The following C6 variants were observed in gnomAD, a reference collection of about 807,000 sequenced individuals.
The protein encoded by C6 is complement component C6.
In C6, 101 loss-of-function variants were observed where a neutral mutation model predicts 112.9. The ratio of observed to expected loss-of-function variants is 0.89; its 90% CI spans 0.76 to 1.06. C6 has a LOEUF of 1.06. Among genes scored for constraint, C6 ranks in the 50% least tolerant of loss-of-function variants. C6 has a pLI of 0.00. For synonymous variants in C6, 431 were observed against 384.1 expected (o/e 1.12, Z -1.43); for missense variants, 1,202 against 1,104.6 (o/e 1.09, Z -1.25).
upstream of C6, among the ~76,000 whole-genome samples, chr5:41,217,461 C>A (rs527292816): frequency 2.9e-4 from 44 of 152,048 alleles, no homozygotes; most frequent in Non-Finnish European, 5.6e-4. Context: ...TTGCTGAATA[C>A]GCCTCTACAA....
At chr5:41,149,878 G>C (rs938379402) in intron 16 of C6, 57 bp downstream of exon 16, 21 of 1,120,002 alleles carry the variant, frequency 1.9e-5, no homozygotes, top group African/African-American at 3.1e-5. Flanking sequence ...CCATCAAATT[G>C]GTTACACTAG....
chr5:41,201,316 A>G (rs1325631256), intron 3 of C6, among the ~76,000 whole-genome samples: 1 of 152,306 alleles, frequency 6.6e-6, no homozygotes, highest in Admixed American at 6.5e-5. Context: ...AGAACTGGGT[A>G]AGTACAATAT....
chr5:41,206,800 C>T (rs914857817), intron 1 of C6, among the ~76,000 whole-genome samples: 1 of 152,224 alleles, frequency 6.6e-6, no homozygotes. Context: ...GGAAAACACT[C>T]TGCAGGATAT....
chr5:41,176,580 TG>T lies in C6; in HGVS notation c.1062del (p.Tyr354Ter). 6.2e-7 allele frequency: 1 copy of T among 1,613,968 alleles called. No homozygotes were observed. The highest frequency in any genetic ancestry group is 8.5e-7 in the Non-Finnish European group (1 of 1,179,892). On this transcript the variant is annotated frameshift_variant, in exon 8 of 18. Transcript: ENST00000337836. LOFTEE classifies it high-confidence loss of function. ...HLPLEYNSALYSRIFDDFGTH... is the reference protein window; with the variant it reads ...HLPLEYNSALXSRIFDDFGTH... The stretch of plus-strand genomic sequence containing the variant: ...GTCCCAAAGTCATCGAATATTCGGC[TG>T]TACAAAGCAGAGTTGTATTCTAGAG...
intron 1 of C6, among the ~76,000 whole-genome samples, chr5:41,212,504 G>A (rs1580207918): frequency 2.0e-5 from 3 of 152,110 alleles, no homozygotes; most frequent in African/African-American, 7.2e-5. Flanking sequence ...GAATTTTTTT[G>A]TTATGATGGC....
At chr5:41,224,613 T>C (rs571023329) in intron 1 of C6, among the ~76,000 whole-genome samples, 1 of 152,252 alleles carries the variant, frequency 6.6e-6, no homozygotes, top group East Asian at 1.9e-4. Flanking sequence ...AACACTCTGT[T>C]GCATGGGTAT....
intron 1 of C6, among the ~76,000 whole-genome samples, chr5:41,253,223 T>C (rs1467381555): frequency 6.6e-6 from 1 of 152,222 alleles, no homozygotes; most frequent in Non-Finnish European, 1.5e-5. Context: ...GGTAGGAATA[T>C]AAACATCTCC....
intron 13 of C6, 104 bp downstream of exon 13, chr5:41,158,570 A>G: frequency 2.7e-6 from 2 of 732,258 alleles, no homozygotes; most frequent in South Asian, 1.5e-5. Context: ...TAAAGTCAAT[A>G]GGAGATTATT....
chr5:41,150,154 G>C (rs1307595278), intron 15 of C6, 129 bp from the exon 16 acceptor site: 2 of 705,294 alleles, frequency 2.8e-6, no homozygotes, highest in Non-Finnish European at 5.1e-6. Context: ...ATTCATTTTG[G>C]CTTCTCTAAA....
At chr5:41,210,213 A>C (rs974382531) in intron 1 of C6, among the ~76,000 whole-genome samples, 1 of 152,264 alleles carries the variant, frequency 6.6e-6, no homozygotes, top group Non-Finnish European at 1.5e-5. Context: ...TACAAAAATT[A>C]ATTCAAGATG....
Position 41,181,502 on chromosome 5 carries a change from C to T in C6, c.784G>A (p.Gly262Arg), listed in dbSNP as rs746625687. The part of the protein sequence containing the change: ...TDFYKDLTSL[G>R]HNENQQGSFS... The stretch of plus-strand genomic sequence containing the variant: ...GAGCCTTGTTGATTTTCATTGTGTC[C>T]AAGAGAAGTTAAATCCTTGTAGAAA... The change falls in exon 7 of 18, where the codon GGA (glycine) becomes AGA (arginine). Residue 262 changes from glycine to arginine, a missense_variant. Transcript: ENST00000337836. 1.2e-6 allele frequency: 2 copies of T among 1,613,642 alleles called. No individual in the cohort carries two copies. Among genetic ancestry groups the T allele is most frequent in the East Asian group, 4.5e-5 (2 of 44,782 alleles).
intron 1 of C6, among the ~76,000 whole-genome samples, chr5:41,206,407 T>C (rs551245882): frequency 1.6e-4 from 25 of 152,324 alleles, no homozygotes; most frequent in African/African-American, 5.3e-4. Flanking sequence ...CTTCAGACGA[T>C]TGGTAATAAC....
intron 1 of C6, among the ~76,000 whole-genome samples, chr5:41,222,534 A>C (rs1447548869): frequency 6.6e-6 from 1 of 152,162 alleles, no homozygotes; most frequent in Non-Finnish European, 1.5e-5. Flanking sequence ...AACAATTACA[A>C]TGTAAAGTTT....
chr5:41,208,039 T>G (rs1751580570), intron 1 of C6, among the ~76,000 whole-genome samples: 2 of 152,158 alleles, frequency 1.3e-5, no homozygotes, highest in Non-Finnish European at 2.9e-5. Context: ...CACATCACAG[T>G]GCAATCAAAC....
Position 41,155,111 on chromosome 5 carries a change from T to G in C6, c.1969-7A>C. 1 of 1,611,502 alleles carries G rather than the reference T, an allele frequency of 6.2e-7. No individual in the cohort carries two copies. Among genetic ancestry groups the G allele is most frequent in the Non-Finnish European group, 8.5e-7 (1 of 1,177,776 alleles). ...AGTATAGTTGCTTTTCATTCTTAATTAAAGCAGAAACCAGAAATTATTAAT... is the reference window on the plus strand; with the variant it reads ...AGTATAGTTGCTTTTCATTCTTAATGAAAGCAGAAACCAGAAATTATTAAT... On this transcript the variant is annotated splice_region_variant and splice_polypyrimidine_tract_variant and intron_variant, in intron 13 of 17. Transcript: ENST00000337836.
intron 1 of C6, among the ~76,000 whole-genome samples, chr5:41,236,766 C>CA: frequency 7.1e-6 from 1 of 140,006 alleles, no homozygotes; most frequent in African/African-American, 2.7e-5. Context: ...AAAAATCCTT[C>CA]AAAAAATCAA....
chr5:41,149,379 G>A lies in C6; in HGVS notation c.2485C>T (p.Leu829Phe), dbSNP rs1331142860. 1.2e-6 allele frequency: 2 copies of A among 1,614,078 alleles called. No individual in the cohort carries two copies. The highest frequency in any genetic ancestry group is 1.1e-5 in the South Asian group (1 of 91,080). The change falls in exon 17 of 18, where the codon CTC becomes TTC. Residue 829 changes from leucine to phenylalanine, a missense_variant. Physicochemically the swap from Leu to Phe is conservative, Grantham distance 22 (BLOSUM62 0). Transcript: ENST00000337836. ...CAGGAACCAATATGTAGAAAATGGA[G>A]TTGCTGATTATTTAAACATTTCTCA... ...LAEKCLNNQQ[L>F]HFLHIGSCQD...
intron 1 of C6, among the ~76,000 whole-genome samples, chr5:41,212,698 C>T (rs1057226091): frequency 6.6e-6 from 1 of 152,166 alleles, no homozygotes; most frequent in Non-Finnish European, 1.5e-5. Context: ...TCAGTGCCAT[C>T]GTAGAAAAGC....
At chr5:41,206,934 CA>C (rs1381183915) in intron 1 of C6, among the ~76,000 whole-genome samples, 2 of 152,082 alleles carry the variant, frequency 1.3e-5, no homozygotes, top group African/African-American at 4.8e-5. Context: ...TCAGATACAC[CA>C]AAGTTGAAAT....
Sources: gnomAD v4.1 joint callset for allele counts (sites outside exome capture counted in the v4.1 genomes callset) on GRCh38, gnomAD v4.1.1 for gene constraint, MANE v1.5 for transcripts, NCBI Gene and HGNC (gene_info 2026-07-23, HGNC 2026-07-21) for gene names.